The following RBMS3 variants were observed in gnomAD, a reference collection of about 807,000 sequenced individuals.
RBMS3 encodes the protein RNA-binding motif, single-stranded-interacting protein 3.
In RBMS3, 27 loss-of-function variants were observed where a neutral mutation model predicts 66.8. The ratio of observed to expected loss-of-function variants is 0.40; its 90% CI spans 0.30 to 0.56. RBMS3 has a LOEUF of 0.56. RBMS3 is among the 20% of genes least tolerant of loss of function. The pLI, the probability that RBMS3 is intolerant of heterozygous loss-of-function variation, is 0.40. For missense variants in RBMS3, 513 were observed against 549.5 expected (o/e 0.93, Z 0.66); for synonymous variants, 188 against 183.0 (o/e 1.03, Z -0.22).
intron 1 of RBMS3, among the ~76,000 whole-genome samples, chr3:29,298,480 C>A (rs1169578620): frequency 1.3e-5 from 2 of 151,830 alleles, no homozygotes; most frequent in African/African-American, 4.8e-5. Flanking sequence ...CCTTTGCTTC[C>A]CTTATAGTTT....
chr3:29,593,635 G>A (rs1576318982), intron 4 of RBMS3, among the ~76,000 whole-genome samples: 1 of 152,302 alleles, frequency 6.6e-6, no homozygotes, highest in East Asian at 1.9e-4. Context: ...CAAAGGATCA[G>A]AAATCCCTAT....
chr3:29,806,307 A>C (rs1267208355), intron 6 of RBMS3, among the ~76,000 whole-genome samples: 2 of 152,022 alleles, frequency 1.3e-5, no homozygotes, highest in Non-Finnish European at 2.9e-5. Context: ...ATTTCAAATC[A>C]GCTAAATGAC....
chr3:29,854,524 C>T (rs2059023811), intron 6 of RBMS3, among the ~76,000 whole-genome samples: 1 of 152,122 alleles, frequency 6.6e-6, no homozygotes, highest in South Asian at 2.1e-4. Flanking sequence ...CAGGATATGT[C>T]CGTTACTAAA....
intron 11 of RBMS3, among the ~76,000 whole-genome samples, chr3:29,940,894 C>A (rs1216347278): frequency 6.6e-6 from 1 of 151,768 alleles, no homozygotes; most frequent in Non-Finnish European, 1.5e-5. Context: ...GGAACCAAAG[C>A]CCCATTATCC....
At chr3:29,874,992 C>T (rs955524490) in intron 7 of RBMS3, among the ~76,000 whole-genome samples, 13 of 151,972 alleles carry the variant, frequency 8.6e-5, no homozygotes, top group Admixed American at 3.3e-4. Context: ...GTTCTTAGGG[C>T]GGGGTTGGCA....
intron 6 of RBMS3, among the ~76,000 whole-genome samples, chr3:29,820,907 A>G (rs2058061479): frequency 6.6e-6 from 1 of 152,172 alleles, no homozygotes; most frequent in Admixed American, 6.5e-5. Flanking sequence ...GCAACAAAGC[A>G]AGATCCCGTC....
At chr3:29,317,610 ACG>A (rs1448187683) in intron 1 of RBMS3, among the ~76,000 whole-genome samples, 2 of 151,810 alleles carry the variant, frequency 1.3e-5, no homozygotes, top group South Asian at 2.1e-4. Context: ...AATAAAGGAA[ACG>A]CTCTGTAAAT....
intron 1 of RBMS3, among the ~76,000 whole-genome samples, chr3:29,419,255 A>C (rs1000581505): frequency 6.6e-6 from 1 of 152,154 alleles, no homozygotes; most frequent in African/African-American, 2.4e-5. Flanking sequence ...ACTCTGTATT[A>C]ACCCCACCTG....
At chr3:29,529,763 C>A (rs1376042348) in intron 3 of RBMS3, among the ~76,000 whole-genome samples, 3 of 152,102 alleles carry the variant, frequency 2.0e-5, no homozygotes, top group Non-Finnish European at 4.4e-5. Context: ...ATTTTCTATT[C>A]TGTGAACTGG....
chr3:29,838,232 A>G (rs994691213), intron 6 of RBMS3, among the ~76,000 whole-genome samples: 8 of 150,462 alleles, frequency 5.3e-5, no homozygotes, highest in African/African-American at 2.0e-4. Flanking sequence ...CCACCTACTG[A>G]GGAGGCCAGG....
chr3:29,341,420 C>T (rs896934998), intron 1 of RBMS3, among the ~76,000 whole-genome samples: 1 of 152,064 alleles, frequency 6.6e-6, no homozygotes, highest in Admixed American at 6.6e-5. Flanking sequence ...ATTCTAAAAT[C>T]CGTGGTCTTT....
In RBMS3 at chr3:29,669,178, T is replaced by C. The variant is rs575788692; in HGVS notation, c.400-70542T>C. On this transcript the variant is annotated intron_variant, in intron 4 of 14. Transcript: ENST00000383767. ...TGTGGAGTGTGCTCCCGAACCCTCA[T>C]GGGAGAGACCAAAGCTAGACTTTAC... is the stretch of plus-strand genomic sequence containing the variant. 6.6e-4 allele frequency among the ~76,000 whole-genome samples: 101 copies of C among 152,344 alleles called. No individual in the cohort carries two copies. In the South Asian group the frequency reaches 0.02, roughly 30 times the overall value.
chr3:29,836,554 A>G (rs2058513195), intron 6 of RBMS3, among the ~76,000 whole-genome samples: 1 of 152,020 alleles, frequency 6.6e-6, no homozygotes, highest in Non-Finnish European at 1.5e-5. Flanking sequence ...GGGTATAGAA[A>G]TGGGGAAAAT....
At chr3:29,766,566 T>G (rs968950699) in intron 6 of RBMS3, 1 of 151,984 alleles carries the variant, frequency 6.6e-6, no homozygotes, top group Admixed American at 6.6e-5. Flanking sequence ...CAGATATCTT[T>G]TTGGAACACG....
intron 1 of RBMS3, among the ~76,000 whole-genome samples, chr3:29,310,504 T>C (rs935609316): frequency 7.4e-6 from 1 of 135,434 alleles, no homozygotes; most frequent in African/African-American, 2.6e-5. Flanking sequence ...TTCAATCTTC[T>C]GTATTTTTTT....
Position 29,611,293 on chromosome 3 carries a change from G to T in RBMS3, c.399+24088G>T, listed in dbSNP as rs7613001. Among the ~76,000 whole-genome samples, 291 of 152,120 alleles carry T rather than the reference G, an allele frequency of 1.9e-3. 1 individual carries two copies. Among genetic ancestry groups the T allele is most frequent in the African/African-American group, 6.1e-3 (255 of 41,534 alleles). On this transcript the variant is annotated intron_variant, in intron 4 of 14. Coordinates refer to ENST00000383767, the MANE Select transcript of RBMS3 (RefSeq NM_001003793.3). ...CAGGTAGTAAAAATCCGTTTAGAAG[G>T]CATATTCTTCAAACCTGAGTTTTAT... is the stretch of plus-strand genomic sequence containing the variant.
At chr3:29,851,547 T>C (rs1387543037) in intron 6 of RBMS3, among the ~76,000 whole-genome samples, 1 of 152,202 alleles carries the variant, frequency 6.6e-6, no homozygotes, top group East Asian at 1.9e-4. Flanking sequence ...AGTGAACACA[T>C]TAAAGCATCT....
chr3:29,880,670 A>G lies in RBMS3; in HGVS notation c.745-3492A>G, dbSNP rs962379873. On this transcript the variant is annotated intron_variant, in intron 7 of 14. Coordinates refer to ENST00000383767, the MANE Select transcript of RBMS3 (RefSeq NM_001003793.3). ...GTTATTGTGCTATTATATTCAGCCAATGGGTTAAGTTCAAACAACCCTTTG... is the reference window on the plus strand; with the variant it reads ...GTTATTGTGCTATTATATTCAGCCAGTGGGTTAAGTTCAAACAACCCTTTG... The G allele has an allele frequency of 6.7e-5, 65 of 975,934 alleles. 1 individual carries two copies. In the South Asian group the frequency reaches 7.1e-4, roughly 11 times the overall value. 60.5% of individuals were successfully genotyped at this position (975,934 alleles called of 1,614,324 possible).
At chr3:29,650,275 C>CT (rs1424389219) in intron 4 of RBMS3, among the ~76,000 whole-genome samples, 16 of 119,378 alleles carry the variant, frequency 1.3e-4, no homozygotes, top group Admixed American at 7.0e-4. Context: ...TTACTCCTTT[C>CT]TTTCTTTTTT....
Sources: allele counts gnomAD v4.1 joint callset (sites outside exome capture counted in the v4.1 genomes callset), GRCh38; gene constraint gnomAD v4.1.1; transcripts MANE v1.5; gene names NCBI Gene and HGNC (gene_info 2026-07-23, HGNC 2026-07-21).